Variants in TTC7B observed in about 807,000 individuals in gnomAD.
TTC7B encodes the protein tetratricopeptide repeat protein 7B.
TTC7B carries 28 observed loss-of-function variants against 106.8 expected under a neutral mutation model. That is an observed-to-expected ratio of 0.26 (90% CI 0.19 to 0.36). TTC7B has a LOEUF of 0.36. Ranked by LOEUF, TTC7B falls within the 10% of genes least tolerant of loss-of-function variation. TTC7B has a pLI of 1.00. For synonymous variants in TTC7B, 405 were observed against 430.6 expected, an observed-to-expected ratio of 0.94 and a Z score of 0.74; for missense variants, 862 against 1,076.4, an observed-to-expected ratio of 0.80 and a Z score of 2.79.
chr14:90,693,407 C>A (rs1274155751), intron 6 of TTC7B, among the ~76,000 whole-genome samples: 1 of 152,140 alleles, frequency 6.6e-6, no homozygotes, highest in African/African-American at 2.4e-5. Flanking sequence ...TATTTTTCTT[C>A]CAAGTTTTAT....
At chr14:90,612,516 C>T (rs1261239111) in intron 16 of TTC7B, among the ~76,000 whole-genome samples, 1 of 152,152 alleles carries the variant, frequency 6.6e-6, no homozygotes, top group Admixed American at 6.6e-5. Context: ...AAGGATTTGC[C>T]TGGGTTTCTG....
At chr14:90,792,956 C>G (rs1305987571) in intron 1 of TTC7B, among the ~76,000 whole-genome samples, 1 of 151,964 alleles carries the variant, frequency 6.6e-6, no homozygotes, top group African/African-American at 2.4e-5. Flanking sequence ...GCTCTGTGTC[C>G]CCACCTAAAT....
chr14:90,636,419 C>T (rs999012380), intron 15 of TTC7B, among the ~76,000 whole-genome samples: 10 of 94,252 alleles, frequency 1.1e-4, no homozygotes, highest in South Asian at 8.4e-4. Flanking sequence ...ACTGCTATAA[C>T]GATGTGGTAA....
intron 15 of TTC7B, among the ~76,000 whole-genome samples, chr14:90,618,577 A>T (rs1231489166): frequency 1.3e-5 from 2 of 152,158 alleles, no homozygotes; most frequent in Non-Finnish European, 2.9e-5. Context: ...CCTGCTACTG[A>T]GGGCCTAGGG....
At position 90,541,531 on chromosome 14, in the gene TTC7B, G is replaced by A. The variant is rs1469381579; in HGVS notation, c.2369C>T (p.Ala790Val). The A allele has an allele frequency of 9.3e-6, 15 of 1,612,894 alleles. No individual in the cohort carries two copies. Among genetic ancestry groups the A allele is most frequent in the South Asian group, 4.4e-5 (4 of 90,976 alleles). Residue 790 changes from alanine to valine, a missense_variant, in exon 20 of 20, where the codon GCG becomes GTG. Ala to Val is a moderately conservative substitution (Grantham distance 64, BLOSUM62 0). Coordinates refer to ENST00000328459, the MANE Select transcript of TTC7B (RefSeq NM_001010854.2). ...YSLAEKILRDAVQVNSTAHEV... is the reference protein window; with the variant it reads ...YSLAEKILRDVVQVNSTAHEV... ...GTGGGCTGTCGAGTTCACCTGCACC[G>A]CGTCCCGGAGGATCTTCTCCGCCAG...
intron 15 of TTC7B, among the ~76,000 whole-genome samples, chr14:90,635,547 TCAG>T (rs904157035): frequency 1.3e-5 from 2 of 149,316 alleles, no homozygotes; most frequent in African/African-American, 5.0e-5. Context: ...GATCATGAGA[TCAG>T]GAGATCGAGA....
intron 17 of TTC7B, among the ~76,000 whole-genome samples, chr14:90,596,871 T>A (rs1892227584): frequency 6.6e-6 from 1 of 152,150 alleles, no homozygotes; most frequent in Admixed American, 6.5e-5. Context: ...CACTTCACTG[T>A]CTGAAATTCA....
At chr14:90,664,874 G>A (rs1886349682) in intron 9 of TTC7B, among the ~76,000 whole-genome samples, 1 of 152,188 alleles carries the variant, frequency 6.6e-6, no homozygotes, top group Admixed American at 6.5e-5. Context: ...CTATCAATGG[G>A]TTGGCTTTTA....
At chr14:90,670,715 T>C (rs1886599392) in intron 9 of TTC7B, among the ~76,000 whole-genome samples, 1 of 152,160 alleles carries the variant, frequency 6.6e-6, no homozygotes, top group South Asian at 2.1e-4. Context: ...CCAGGGGCCA[T>C]GTCAGAGGCT....
intron 5 of TTC7B, among the ~76,000 whole-genome samples, chr14:90,727,995 C>T (rs375007732): frequency 1.3e-5 from 2 of 152,188 alleles, no homozygotes; most frequent in Non-Finnish European, 2.9e-5. Flanking sequence ...TCAGGCCCTG[C>T]GTAGCCCACT....
chr14:90,616,814 C>G (rs1314400598), intron 16 of TTC7B, among the ~76,000 whole-genome samples: 3 of 152,198 alleles, frequency 2.0e-5, no homozygotes, highest in Admixed American at 6.5e-5. Context: ...CCACTGCCCG[C>G]CTCACCCTTC....
rs1211110633 is a variant in TTC7B, at chr14:90,782,120, G to A, written c.277-1214C>T. Among the ~76,000 whole-genome samples, 5 of 152,310 alleles carry A rather than the reference G, an allele frequency of 3.3e-5. No individual in the cohort carries two copies. The East Asian group carries it at 9.6e-4, about 29-fold the overall frequency. ...TGTTACAGCAGCTATCTCAGCCAGCGTGGTCGGCTTCCAGGCATTTCTTGG... is the reference window on the plus strand; with the variant it reads ...TGTTACAGCAGCTATCTCAGCCAGCATGGTCGGCTTCCAGGCATTTCTTGG... On this transcript the variant is annotated intron_variant, in intron 2 of 19. Coordinates refer to ENST00000328459, the MANE Select transcript of TTC7B (RefSeq NM_001010854.2).
rs1489362926 is a variant in TTC7B at position 90,578,143 on chromosome 14, G to A, written c.2273C>T (p.Ala758Val). The A allele has an allele frequency of 1.2e-6, 2 of 1,612,832 alleles. No homozygotes were observed. The highest frequency in any genetic ancestry group is 1.1e-5 in the South Asian group (1 of 90,724). ...EARRWYEEALAISPTHVKSMQ... is the reference protein window; with the variant it reads ...EARRWYEEALVISPTHVKSMQ... The stretch of plus-strand genomic sequence containing the variant: ...GCTCTTCACGTGGGTGGGGCTGATG[G>A]CTAAGGCCTCTTCATACCACCGCCG... Residue 758 changes from alanine (A) to valine (V), a missense_variant, in exon 19 of 20, where the codon GCC becomes GTC. Physicochemically the swap from Ala to Val is moderately conservative, Grantham distance 64. Coordinates refer to ENST00000328459, the MANE Select transcript of TTC7B (RefSeq NM_001010854.2). This position sits in a 1 kb window ranked among gnomAD's most constrained non-coding sequence, Gnocchi z 4.7.
At chr14:90,626,295 T>G (rs1884436628) in intron 15 of TTC7B, among the ~76,000 whole-genome samples, 1 of 152,236 alleles carries the variant, frequency 6.6e-6, no homozygotes, top group Non-Finnish European at 1.5e-5. Context: ...GTTCTTAAAT[T>G]CAGTGAGAAT....
chr14:90,652,672 A>C (rs1005141496), intron 13 of TTC7B, among the ~76,000 whole-genome samples, 169 bp downstream of exon 13: 1 of 152,190 alleles, frequency 6.6e-6, no homozygotes, highest in Non-Finnish European at 1.5e-5. Context: ...TTGACACAGC[A>C]ACAAGTGATA....
chr14:90,669,121 G>GT (rs1886533093), intron 9 of TTC7B, among the ~76,000 whole-genome samples: 1 of 152,002 alleles, frequency 6.6e-6, no homozygotes, highest in African/African-American at 2.4e-5. Context: ...GCAAAGAATA[G>GT]TTTTTTCAAC....
intron 5 of TTC7B, among the ~76,000 whole-genome samples, chr14:90,715,123 A>G (rs569867595): frequency 2.3e-3 from 343 of 152,284 alleles, no homozygotes; most frequent in Non-Finnish European, 3.7e-3. Context: ...GCTTCCCAGT[A>G]AATAGTTGAT....
Position 90,585,030 on chromosome 14 carries a change from G to T in TTC7B, c.2108-6722C>A, listed in dbSNP as rs552049028. ...TTAATTCTTTCTTTGTCTGAGAAGG[G>T]TTAGCAAGTGGAAGGAGGCAGTGAT... On this transcript the variant is annotated intron_variant, in intron 18 of 19. Transcript: ENST00000328459. Among the ~76,000 whole-genome samples, 16 of 152,244 alleles carry T rather than the reference G, an allele frequency of 1.1e-4. No individual in the cohort carries two copies. In the East Asian group the frequency reaches 3.1e-3, roughly 29 times the overall value.
At chr14:90,645,589 C>T (rs1885410546) in intron 14 of TTC7B, among the ~76,000 whole-genome samples, 1 of 152,230 alleles carries the variant, frequency 6.6e-6, no homozygotes, top group Non-Finnish European at 1.5e-5. Context: ...GCTCCATTTA[C>T]TCATCCTTCC....
Sources: gnomAD v4.1 joint callset for allele counts (sites outside exome capture counted in the v4.1 genomes callset) on GRCh38, gnomAD v4.1.1 for gene constraint, Gnocchi (gnomAD v3.1) non-coding constraint, MANE v1.5 for transcripts, NCBI Gene and HGNC (gene_info 2026-07-23, HGNC 2026-07-21) for gene names.